The following NOSTRIN variants were observed in gnomAD, a reference collection of about 807,000 sequenced individuals.
NOSTRIN encodes the protein nitric oxide synthase trafficking.
Under a neutral mutation model 59.0 loss-of-function variants are expected in NOSTRIN, and 63 were observed. The observed-to-expected ratio is 1.07, with a 90% CI of 0.87 to 1.32. The LOEUF is 1.32. NOSTRIN is among the 40% of genes most tolerant of loss of function. The pLI is 0.00. For missense variants in NOSTRIN, 512 were observed against 473.1 expected, an observed-to-expected ratio of 1.08 and a Z score of -0.76; for synonymous variants, 200 against 165.4, an observed-to-expected ratio of 1.21 and a Z score of -1.61.
At chr2:168,836,669 G>A (rs1335764386) in intron 7 of NOSTRIN, among the ~76,000 whole-genome samples, 2 of 152,156 alleles carry the variant, frequency 1.3e-5, no homozygotes, top group Admixed American at 6.5e-5. Context: ...TCCTGGCACA[G>A]TATCTTGCCT....
chr2:168,796,380 C>A (rs1414378430), upstream of NOSTRIN, among the ~76,000 whole-genome samples: 1 of 152,212 alleles, frequency 6.6e-6, no homozygotes, highest in African/African-American at 2.4e-5. Context: ...CCACCTGACC[C>A]CTTAACCGCT....
At chr2:168,855,801 T>C in intron 11 of NOSTRIN, 8 of 442,724 alleles carry the variant, frequency 1.8e-5, no homozygotes, top group South Asian at 1.4e-4. Context: ...CAACTGTGCA[T>C]GAGAGTTTTG....
chr2:168,857,092 A>C (rs1412358975), intron 12 of NOSTRIN, among the ~76,000 whole-genome samples: 1 of 152,230 alleles, frequency 6.6e-6, no homozygotes, highest in African/African-American at 2.4e-5. Flanking sequence ...CAGGAAACAA[A>C]GGATCTGCAT....
intron 8 of NOSTRIN, among the ~76,000 whole-genome samples, chr2:168,843,457 A>G (rs111445963): frequency 1.3e-5 from 2 of 152,278 alleles, no homozygotes; most frequent in African/African-American, 4.8e-5. Context: ...ATGAGTGATG[A>G]CTCATACAGT....
intron 2 of NOSTRIN, among the ~76,000 whole-genome samples, chr2:168,820,126 A>T (rs999659027): frequency 1.3e-5 from 2 of 152,262 alleles, no homozygotes; most frequent in Middle Eastern, 3.4e-3. Context: ...TCCATCTGCA[A>T]TCTCTTCCCC....
At chr2:168,807,563 T>G (rs1685921915) in intron 1 of NOSTRIN, among the ~76,000 whole-genome samples, 1 of 152,220 alleles carries the variant, frequency 6.6e-6, no homozygotes, top group African/African-American at 2.4e-5. Flanking sequence ...ATTGCTCTTG[T>G]AAGCACATCT....
At chr2:168,834,507 G>GCGCGCACACACACACACACACACACACA (rs756381301) in intron 7 of NOSTRIN, among the ~76,000 whole-genome samples, 182 bp downstream of exon 7, 4 of 125,340 alleles carry the variant, frequency 3.2e-5, no homozygotes, top group African/African-American at 1.2e-4. Flanking sequence ...GCGCGCGCGC[G>GCGCGCACACACACACACACACACACACA]CACACACACA....
intron 2 of NOSTRIN, among the ~76,000 whole-genome samples, chr2:168,789,600 G>A (rs1404408417): frequency 6.6e-6 from 1 of 152,176 alleles, no homozygotes; most frequent in Non-Finnish European, 1.5e-5. Context: ...CGTATCAGCT[G>A]GAGTGTGCCT....
chr2:168,801,139 G>A (rs1685602011), upstream of NOSTRIN: 1 of 151,976 alleles, frequency 6.6e-6, no homozygotes, highest in African/African-American at 2.4e-5. Flanking sequence ...AAGTTCTTTG[G>A]ATAAGCAAAG....
At chr2:168,836,667 C>T (rs564195481) in intron 7 of NOSTRIN, among the ~76,000 whole-genome samples, 4 of 152,296 alleles carry the variant, frequency 2.6e-5, no homozygotes, top group South Asian at 2.1e-4. Context: ...ACTCCTGGCA[C>T]AGTATCTTGC....
At chr2:168,855,909 A>C in intron 11 of NOSTRIN, 1 of 454,370 alleles carries the variant, frequency 2.2e-6, no homozygotes, top group Non-Finnish European at 4.4e-6. Flanking sequence ...CAGACTGTGA[A>C]GCAGCTCTAA....
At chr2:168,803,958 C>A (rs976213727) in intron 1 of NOSTRIN, among the ~76,000 whole-genome samples, 1 of 152,184 alleles carries the variant, frequency 6.6e-6, no homozygotes, top group Non-Finnish European at 1.5e-5. Flanking sequence ...ATAGGGGCGG[C>A]AGGCCAGGAC....
At chr2:168,821,676 G>A (rs1686750663) in intron 2 of NOSTRIN, among the ~76,000 whole-genome samples, 3 of 152,240 alleles carry the variant, frequency 2.0e-5, no homozygotes, top group Admixed American at 2.0e-4. Context: ...AACCTCTGAG[G>A]CAGTGATGTT....
In NOSTRIN at chr2:168,864,769, T is replaced by TATCA. The variant is rs999880231; in HGVS notation, c.1385-61_1385-58dup. 3.2e-5 allele frequency: 50 copies of TATCA among 1,579,672 alleles called. No individual in the cohort carries two copies. In the East Asian group the frequency reaches 7.4e-4, roughly 23 times the overall value. On this transcript the variant is annotated intron_variant, in intron 15 of 15. Coordinates refer to ENST00000317647, the MANE Select transcript of NOSTRIN (RefSeq NM_001039724.4). The stretch of plus-strand genomic sequence containing the variant: ...TGAAGCAGAACCTCCTTAAAACTCT[T>TATCA]ATCAATCGGGCTGAGGCATGTGTTC...
chr2:168,837,350 C>T (rs913368584), intron 7 of NOSTRIN, among the ~76,000 whole-genome samples: 1 of 120,182 alleles, frequency 8.3e-6, no homozygotes, highest in Non-Finnish European at 1.6e-5. Flanking sequence ...TGCTGTGTCG[C>T]CCAGGCTGGA....
At chr2:168,859,685 G>A in intron 13 of NOSTRIN, 48 bp downstream of exon 13, 1 of 1,602,578 alleles carries the variant, frequency 6.2e-7, no homozygotes, top group Non-Finnish European at 8.5e-7. Flanking sequence ...GGCCTGCTGG[G>A]TGGAGTGGCT....
upstream of NOSTRIN, among the ~76,000 whole-genome samples, chr2:168,800,125 G>A (rs142576252): frequency 3.6e-3 from 544 of 152,266 alleles, no homozygotes; most frequent in African/African-American, 0.012. Context: ...GATGAAATAC[G>A]GCCTCAGCCA....
intron 15 of NOSTRIN, among the ~76,000 whole-genome samples, chr2:168,862,309 T>C (rs1367416426): frequency 1.3e-5 from 2 of 152,192 alleles, no homozygotes; most frequent in South Asian, 2.1e-4. Context: ...GTTTTATTGG[T>C]ATTCCCATTT....
chr2:168,819,884 T>C lies in NOSTRIN; in HGVS notation c.114-4750T>C, dbSNP rs184866040. 3.0e-4 allele frequency among the ~76,000 whole-genome samples: 46 copies of C among 152,206 alleles called. No homozygotes were observed. The East Asian group carries it at 8.5e-3, about 28-fold the overall frequency. On this transcript the variant is annotated intron_variant, in intron 2 of 15. Transcript: ENST00000317647. ...TGTCAGAGTCCCCATCCTTCCCACT[T>C]TGCCAGACCCTCAACATCCCCACTC...
Sources: gnomAD v4.1 joint callset for allele counts (sites outside exome capture counted in the v4.1 genomes callset) on GRCh38, gnomAD v4.1.1 for gene constraint, MANE v1.5 for transcripts, NCBI Gene and HGNC (gene_info 2026-07-23, HGNC 2026-07-21) for gene names.